Variants in KCNMA1 observed in about 807,000 individuals in gnomAD.
KCNMA1 encodes potassium calcium-activated channel subfamily M alpha 1, also known as Calcium-activated potassium channel subunit alpha-1.
In KCNMA1, 29 loss-of-function variants were observed where a neutral mutation model predicts 140.0. The ratio of observed to expected loss-of-function variants is 0.21; its 90% confidence interval spans 0.15 to 0.28. KCNMA1 has a LOEUF of 0.28. Among genes scored for constraint, KCNMA1 ranks in the 10% least tolerant of loss-of-function variants. The pLI is 1.00. For missense variants in KCNMA1, 880 were observed against 1,602.2 expected (o/e 0.55, Z 7.70); for synonymous variants, 612 against 611.9 (o/e 1.00, Z 0.00).
chr10:76,991,541 T>G (rs1014753088), intron 19 of KCNMA1, among the ~76,000 whole-genome samples: 1 of 152,210 alleles, frequency 6.6e-6, no homozygotes, highest in Non-Finnish European at 1.5e-5. Context: ...AGTTGCTGCT[T>G]AGAAAGTTTT....
intron 25 of KCNMA1, among the ~76,000 whole-genome samples, chr10:76,894,184 C>G (rs943853502): frequency 6.6e-6 from 1 of 152,134 alleles, no homozygotes; most frequent in Non-Finnish European, 1.5e-5. Context: ...CAGTTATGAT[C>G]TATTAATTTT....
At chr10:77,526,043 G>A (rs1223056928) in intron 1 of KCNMA1, among the ~76,000 whole-genome samples, 1 of 152,172 alleles carries the variant, frequency 6.6e-6, no homozygotes, top group East Asian at 1.9e-4. Flanking sequence ...CAGAAGAGAT[G>A]GTCCCTGCCT....
chr10:77,207,123 T>C (rs2044398069), intron 3 of KCNMA1, among the ~76,000 whole-genome samples: 2 of 152,192 alleles, frequency 1.3e-5, no homozygotes, highest in Admixed American at 6.5e-5. Context: ...TGGAACATTT[T>C]CTTGTCAATT....
chr10:77,375,459 G>A (rs1017435946), intron 2 of KCNMA1, among the ~76,000 whole-genome samples: 7 of 152,250 alleles, frequency 4.6e-5, no homozygotes, highest in East Asian at 1.9e-4. Context: ...GGGAATTCAC[G>A]CGGCTGTTAA....
At chr10:76,982,249 T>A (rs919727916) in intron 19 of KCNMA1, among the ~76,000 whole-genome samples, 1 of 151,152 alleles carries the variant, frequency 6.6e-6, no homozygotes, top group Non-Finnish European at 1.5e-5. Flanking sequence ...GTACAAAAGA[T>A]GTTGCATGAG....
At chr10:77,497,955 G>A (rs565150034) in intron 1 of KCNMA1, among the ~76,000 whole-genome samples, 14 of 152,158 alleles carry the variant, frequency 9.2e-5, no homozygotes, top group Admixed American at 2.6e-4. Context: ...GGCAACAAGA[G>A]CTCAGGCATG....
At chr10:77,476,228 T>C (rs557584968) in intron 1 of KCNMA1, among the ~76,000 whole-genome samples, 7 of 152,122 alleles carry the variant, frequency 4.6e-5, no homozygotes, top group Non-Finnish European at 8.8e-5. Flanking sequence ...AAGGACAATT[T>C]ATAATTAGCA....
intron 1 of KCNMA1, among the ~76,000 whole-genome samples, chr10:77,469,137 G>A (rs1017314765): frequency 7.9e-5 from 12 of 152,064 alleles, no homozygotes; most frequent in Non-Finnish European, 1.5e-4. Context: ...TGTAGGACCC[G>A]CCTGCCCATC....
chr10:77,520,191 T>G (rs2052693052), intron 1 of KCNMA1, among the ~76,000 whole-genome samples: 2 of 148,922 alleles, frequency 1.3e-5, no homozygotes, highest in African/African-American at 5.0e-5. Context: ...GTATGCAGTG[T>G]GAGGGTGTGC....
In KCNMA1 at chr10:77,490,642, T is replaced by C. The variant is rs553884842; in HGVS notation, c.379-86619A>G. On this transcript the variant is annotated intron_variant, in intron 1 of 27. Coordinates refer to ENST00000286628, the MANE Select transcript of KCNMA1 (RefSeq NM_001161352.2). ...ACCTAGGAGGTTGGTGCTGTGCTTA[T>C]TCACATTTAGCAGTTGAAAAGAAAT... is the stretch of plus-strand genomic sequence containing the variant. Among the ~76,000 whole-genome samples, 12 of 152,334 alleles carry C rather than the reference T, an allele frequency of 7.9e-5. No individual in the cohort carries two copies. In the South Asian group the frequency reaches 1.0e-3, roughly 13 times the overall value.
chr10:76,951,386 C>T (rs1053963724), intron 21 of KCNMA1, among the ~76,000 whole-genome samples: 5 of 152,170 alleles, frequency 3.3e-5, no homozygotes, highest in African/African-American at 4.8e-5. Context: ...CCAGGCCCAA[C>T]CCAAGCACAA....
At chr10:77,290,134 A>C (rs2072667750) in intron 2 of KCNMA1, among the ~76,000 whole-genome samples, 1 of 152,194 alleles carries the variant, frequency 6.6e-6, no homozygotes, top group African/African-American at 2.4e-5. Context: ...CTACACACCA[A>C]ATTTTTTTAA....
intron 12 of KCNMA1, 41 bp downstream of exon 12, chr10:77,084,596 A>G: frequency 1.3e-6 from 2 of 1,496,634 alleles, no homozygotes; most frequent in Non-Finnish European, 1.9e-6. Flanking sequence ...ACAGCCACAG[A>G]CTGCCAAGCC....
At chr10:77,544,150 C>CTCTGTGTGTGTGTGTGTGTG in intron 1 of KCNMA1, among the ~76,000 whole-genome samples, 1 of 142,556 alleles carries the variant, frequency 7.0e-6, no homozygotes, top group East Asian at 2.1e-4. Context: ...ATCTTTCCAG[C>CTCTGTGTGTGTGTGTGTGTG]TGTGTGTGTG....
intron 5 of KCNMA1, among the ~76,000 whole-genome samples, chr10:77,122,561 A>C (rs1388801448): frequency 1.3e-5 from 2 of 152,126 alleles, no homozygotes; most frequent in African/African-American, 4.8e-5. Context: ...AGGGAGAAAA[A>C]AAAAAGATGA....
At chr10:77,535,075 T>C (rs189096429) in intron 1 of KCNMA1, among the ~76,000 whole-genome samples, 2 of 152,336 alleles carry the variant, frequency 1.3e-5, no homozygotes, top group Admixed American at 1.3e-4. Context: ...AATCTTTACA[T>C]GAATATGTTA....
At chr10:77,426,582 T>C (rs1262703771) in intron 1 of KCNMA1, among the ~76,000 whole-genome samples, 2 of 152,246 alleles carry the variant, frequency 1.3e-5, no homozygotes, top group Non-Finnish European at 2.9e-5. Flanking sequence ...GTTATTATTC[T>C]TGTAGATGTT....
downstream of KCNMA1, among the ~76,000 whole-genome samples, chr10:76,882,618 A>G (rs1200446232): frequency 6.6e-6 from 1 of 152,200 alleles, no homozygotes; most frequent in East Asian, 1.9e-4. Flanking sequence ...CTTCTTTGCA[A>G]TTGGCTACCA....
chr10:77,076,009 G>A (rs1021430224), intron 13 of KCNMA1, among the ~76,000 whole-genome samples: 4 of 152,152 alleles, frequency 2.6e-5, no homozygotes, highest in Non-Finnish European at 5.9e-5. Flanking sequence ...TCCTCTCATG[G>A]AGAAGGAACT....
Sources: gnomAD v4.1 joint callset for allele counts (sites outside exome capture counted in the v4.1 genomes callset) on GRCh38, gnomAD v4.1.1 for gene constraint, MANE v1.5 for transcripts, NCBI Gene and HGNC (gene_info 2026-07-23, HGNC 2026-07-21) for gene names.